The following AGAP1 variants were observed in gnomAD, a reference collection of about 807,000 sequenced individuals.
AGAP1 encodes the protein arf-GAP with GTPase, ANK repeat and PH domain-containing protein 1.
Under a neutral mutation model 105.3 loss-of-function variants are expected in AGAP1, and 29 were observed. That is an observed-to-expected ratio of 0.28 (90% CI 0.21 to 0.38). The LOEUF is 0.38. Among genes scored for constraint, AGAP1 ranks in the 10% least tolerant of loss-of-function variants. The pLI, the probability that AGAP1 is intolerant of heterozygous loss-of-function variation, is 1.00. For missense variants in AGAP1, 998 were observed against 1,165.1 expected (o/e 0.86, Z 2.09); for synonymous variants, 509 against 485.9 (o/e 1.05, Z -0.63).
chr2:235,627,203 T>G lies in AGAP1; in HGVS notation c.164-81976T>G, dbSNP rs1021763728. Among the ~76,000 whole-genome samples, 5 of 146,684 alleles carry G rather than the reference T, an allele frequency of 3.4e-5. 1 individual carries two copies. The highest frequency in any genetic ancestry group is 4.5e-4 in the South Asian group (2 of 4,448). ...CAGGCTGTTTTGAGGTTTTTTTTTT[T>G]TTTTTTTTTTTTTGATAGGGTCTCT... On this transcript the variant is annotated intron_variant, in intron 1 of 17. Coordinates refer to ENST00000304032, the MANE Select transcript of AGAP1 (RefSeq NM_001037131.3).
chr2:235,948,718 G>A (rs1465134451), intron 12 of AGAP1, among the ~76,000 whole-genome samples: 1 of 152,120 alleles, frequency 6.6e-6, no homozygotes, highest in Non-Finnish European at 1.5e-5. Context: ...AGACTTGGAG[G>A]GGACAGTGGG....
intron 10 of AGAP1, among the ~76,000 whole-genome samples, chr2:235,885,113 A>G (rs1005120247): frequency 6.6e-6 from 1 of 152,194 alleles, no homozygotes; most frequent in African/African-American, 2.4e-5. Context: ...TATCATTCCT[A>G]AAATACCACC....
At chr2:235,857,425 C>T (rs558484723) in intron 9 of AGAP1, among the ~76,000 whole-genome samples, 7 of 152,144 alleles carry the variant, frequency 4.6e-5, no homozygotes, top group East Asian at 1.9e-4. Context: ...GATCCTTTGA[C>T]GAGCGTCCCC....
chr2:235,875,665 C>T lies in AGAP1; in HGVS notation c.1051-7680C>T, dbSNP rs1334102572. On this transcript the variant is annotated intron_variant, in intron 9 of 17. Transcript: ENST00000304032. This position sits in a 1 kb window ranked among gnomAD's most constrained non-coding sequence, Gnocchi z 4.0. ...CCCGGGAGTGTGTGGTCTCCTGTTT[C>T]CCATCTGCATTTGCTTATGGGGCGC... Among the ~76,000 whole-genome samples, 1 of 152,138 alleles carries T rather than the reference C, an allele frequency of 6.6e-6. No individual in the cohort carries two copies.
At position 236,040,691 on chromosome 2, in the gene AGAP1, G is replaced by T. The variant is rs1379844096; in HGVS notation, c.1801-60G>T. 1 of 1,514,664 alleles carries T rather than the reference G, an allele frequency of 6.6e-7. No individual in the cohort carries two copies. The highest frequency in any genetic ancestry group is 1.4e-5 in the African/African-American group (1 of 72,954). 93.8% of individuals were successfully genotyped at this position (1,514,664 alleles called of 1,614,324 possible). On this transcript the variant is annotated intron_variant, in intron 14 of 17. Transcript: ENST00000304032. This position sits in a 1 kb window ranked among gnomAD's most constrained non-coding sequence, Gnocchi z 5.6. ...GTTTGATCTTTCCCTGATGTTATCA[G>T]TGATGTGCGTTTCTCCCGGGGTGCT...
chr2:235,692,173 C>A lies in AGAP1; in HGVS notation c.164-17006C>A, dbSNP rs1000666843. ...ATCCATAAGCCAAAGCCGGGGGCTCCCTGGCAGATGCCCCTACCTGGCCAG... is the reference window on the plus strand; with the variant it reads ...ATCCATAAGCCAAAGCCGGGGGCTCACTGGCAGATGCCCCTACCTGGCCAG... On this transcript the variant is annotated intron_variant, in intron 1 of 17. Transcript: ENST00000304032. This position sits in a 1 kb window ranked among gnomAD's most constrained non-coding sequence, Gnocchi z 5.8. Among the ~76,000 whole-genome samples, 4 of 152,112 alleles carry A rather than the reference C, an allele frequency of 2.6e-5. No homozygotes were observed. The highest frequency in any genetic ancestry group is 7.2e-5 in the African/African-American group (3 of 41,404).
chr2:235,719,616 G>T lies in AGAP1; in HGVS notation c.310+1972G>T, dbSNP rs1951282826. ...ACATTATTTTTAAGAGTAGGAGCGT[G>T]GGTGAGTACCTTCCTTTCTTCATCT... On this transcript the variant is annotated intron_variant, in intron 3 of 17. Coordinates refer to ENST00000304032, the MANE Select transcript of AGAP1 (RefSeq NM_001037131.3). The surrounding 1 kb of genome is among the most constrained non-coding windows in gnomAD (Gnocchi z 4.9). Among the ~76,000 whole-genome samples the T allele has an allele frequency of 6.6e-6, 1 of 152,186 alleles. No homozygotes were observed. Among genetic ancestry groups the T allele is most frequent in the South Asian group, 2.1e-4 (1 of 4,830 alleles).
At position 235,709,249 on chromosome 2, in the gene AGAP1, C is replaced by T. The variant is rs1950704524; in HGVS notation, c.222+12C>T. ...CGGAGCTCAAAGTGGTGAGTGGTTCCCTCTGGCCCTGGCACCTGTGGGAAG... is the reference window on the plus strand; with the variant it reads ...CGGAGCTCAAAGTGGTGAGTGGTTCTCTCTGGCCCTGGCACCTGTGGGAAG... On this transcript the variant is annotated intron_variant, in intron 2 of 17. Transcript: ENST00000304032. 1.2e-6 allele frequency: 2 copies of T among 1,613,894 alleles called. No individual in the cohort carries two copies. The highest frequency in any genetic ancestry group is 1.7e-6 in the Non-Finnish European group (2 of 1,179,848).
rs191058745 is a variant in AGAP1, at chr2:235,973,344, G to A, written c.1645+4721G>A. Among the ~76,000 whole-genome samples, 24 of 152,336 alleles carry A rather than the reference G, an allele frequency of 1.6e-4. No homozygotes were observed. In the East Asian group the frequency reaches 4.4e-3, roughly 28 times the overall value. ...GGAAAGTTACAGAAGCAGGGACGGT[G>A]ACTGGAGAATCCCTTATCTTTTTGT... is the stretch of plus-strand genomic sequence containing the variant. On this transcript the variant is annotated intron_variant, in intron 13 of 17. Coordinates refer to ENST00000304032, the MANE Select transcript of AGAP1 (RefSeq NM_001037131.3). This position sits in a 1 kb window ranked among gnomAD's most constrained non-coding sequence, Gnocchi z 4.7.
chr2:235,999,288 AGGT>A (rs761089040), intron 13 of AGAP1, among the ~76,000 whole-genome samples: 8 of 110,086 alleles, frequency 7.3e-5, no homozygotes, highest in African/African-American at 2.7e-4. Context: ...CGATGCTGAG[AGGT>A]GGTGGTGGTG....
At chr2:235,618,006 G>A (rs776944692) in intron 1 of AGAP1, among the ~76,000 whole-genome samples, 11 of 152,054 alleles carry the variant, frequency 7.2e-5, no homozygotes, top group Non-Finnish European at 1.2e-4. Context: ...CTCACATCTC[G>A]TGGAGCATCA....
In AGAP1 at chr2:235,700,520, C is replaced by T. The variant is rs1950196859; in HGVS notation, c.164-8659C>T. On this transcript the variant is annotated intron_variant, in intron 1 of 17. Transcript: ENST00000304032. This position sits in a 1 kb window ranked among gnomAD's most constrained non-coding sequence, Gnocchi z 6.1. The stretch of plus-strand genomic sequence containing the variant: ...GAAGAAACTGTAATGAAAATGAGGG[C>T]CGGGTGTGTTGGCTCACACTTGTAA... Among the ~76,000 whole-genome samples the T allele has an allele frequency of 6.6e-6, 1 of 152,186 alleles. No individual in the cohort carries two copies. Among genetic ancestry groups the T allele is most frequent in the East Asian group, 1.9e-4 (1 of 5,188 alleles).
At chr2:236,060,893 C>A (rs2058175017) in intron 16 of AGAP1, among the ~76,000 whole-genome samples, 1 of 151,882 alleles carries the variant, frequency 6.6e-6, no homozygotes, top group Non-Finnish European at 1.5e-5. Flanking sequence ...GAGACCCCAC[C>A]TCTACAAAAA....
intron 1 of AGAP1, among the ~76,000 whole-genome samples, chr2:235,630,023 AT>A (rs1946776424): frequency 6.6e-6 from 1 of 152,158 alleles, no homozygotes; most frequent in African/African-American, 2.4e-5. Context: ...TGTATACAAA[AT>A]GTCTGATTAC....
At chr2:236,015,397 A>G (rs1292400046) in intron 13 of AGAP1, among the ~76,000 whole-genome samples, 1 of 152,198 alleles carries the variant, frequency 6.6e-6, no homozygotes, top group African/African-American at 2.4e-5. Context: ...ATTTGCTTGT[A>G]AAGTCAGTAT....
In AGAP1 at chr2:236,089,825, C is replaced by A. The variant is rs192911366; in HGVS notation, c.2115-30367C>A. 2.6e-3 allele frequency among the ~76,000 whole-genome samples: 400 copies of A among 152,196 alleles called. 3 individuals are homozygous for A. Among genetic ancestry groups the A allele is most frequent in the Non-Finnish European group, 4.6e-3 (310 of 68,028 alleles). On this transcript the variant is annotated intron_variant, in intron 16 of 17. Transcript: ENST00000304032. The surrounding 1 kb of genome is among the most constrained non-coding windows in gnomAD (Gnocchi z 5.6). ...CTGACGAGGTCTAATTGGCATGTAA[C>A]GCCCTATAAATTTATTAGCATGCCT... is the stretch of plus-strand genomic sequence containing the variant.
intron 1 of AGAP1, among the ~76,000 whole-genome samples, chr2:235,707,572 T>TC (rs1950607532): frequency 7.3e-6 from 1 of 136,712 alleles, no homozygotes; most frequent in African/African-American, 2.8e-5. Flanking sequence ...TGGGACGTGC[T>TC]CCCCAGCGTG....
At position 235,931,773 on chromosome 2, in the gene AGAP1, A is replaced by G. The variant is rs1559662425; in HGVS notation, c.1483+850A>G. ...TTGGGTAAACATCATCCTTATTTCT[A>G]GTGGCTCCGCAGACGCCACCAAGCA... On this transcript the variant is annotated intron_variant, in intron 12 of 17. Transcript: ENST00000304032. The surrounding 1 kb of genome is among the most constrained non-coding windows in gnomAD (Gnocchi z 5.6). 6.6e-6 allele frequency among the ~76,000 whole-genome samples: 1 copy of G among 151,986 alleles called. No homozygotes were observed. Among genetic ancestry groups the G allele is most frequent in the Non-Finnish European group, 1.5e-5 (1 of 68,026 alleles).
At chr2:235,512,081 G>A (rs531569181) in intron 1 of AGAP1, among the ~76,000 whole-genome samples, 35 of 61,234 alleles carry the variant, frequency 5.7e-4, no homozygotes, top group Middle Eastern at 6.3e-3. Context: ...ATGTGAATGC[G>A]TGTGTGAATG....
Sources: gnomAD v4.1 joint callset for allele counts (sites outside exome capture counted in the v4.1 genomes callset) on GRCh38, gnomAD v4.1.1 for gene constraint, Gnocchi (gnomAD v3.1) non-coding constraint, MANE v1.5 for transcripts, NCBI Gene and HGNC (gene_info 2026-07-23, HGNC 2026-07-21) for gene names.